Variants in ARHGAP39 observed in about 807,000 individuals in gnomAD.
ARHGAP39 encodes the protein rho GTPase-activating protein 39.
In ARHGAP39, 44 loss-of-function variants were observed where a neutral mutation model predicts 106.9. The observed-to-expected ratio is 0.41, with a 90% CI of 0.32 to 0.53. The LOEUF (loss-of-function observed/expected upper bound fraction) is 0.53. Ranked by LOEUF, ARHGAP39 falls within the 20% of genes least tolerant of loss-of-function variation. ARHGAP39 has a pLI of 0.21. For synonymous variants in ARHGAP39, 768 were observed against 693.2 expected, an observed-to-expected ratio of 1.11 and a Z score of -1.69; for missense variants, 1,496 against 1,577.3, an observed-to-expected ratio of 0.95 and a Z score of 0.87.
At chr8:144,537,110 T>C (rs1456845897) in intron 7 of ARHGAP39, among the ~76,000 whole-genome samples, 1 of 151,162 alleles carries the variant, frequency 6.6e-6, no homozygotes, top group Non-Finnish European at 1.5e-5. Context: ...AGCACAGCCC[T>C]GGGTTCACAG....
At chr8:144,560,767 G>A (rs2620632) in intron 3 of ARHGAP39, among the ~76,000 whole-genome samples, 3,013 of 152,254 alleles carry the variant, frequency 0.02, 94 homozygotes, top group African/African-American at 0.07. Flanking sequence ...TGTGCTAAAG[G>A]AGCATGACGT....
intron 3 of ARHGAP39, among the ~76,000 whole-genome samples, chr8:144,571,537 T>A (rs554609593): frequency 2.0e-5 from 3 of 152,216 alleles, no homozygotes; most frequent in Non-Finnish European, 4.4e-5. Context: ...AATATCATAC[T>A]GAATGGGCAA....
chr8:144,688,385 G>A (rs959555240), upstream of ARHGAP39, among the ~76,000 whole-genome samples: 4 of 152,144 alleles, frequency 2.6e-5, no homozygotes, highest in Non-Finnish European at 4.4e-5. Flanking sequence ...GATTACAGGC[G>A]TGAGCCACCA....
At chr8:144,688,374 G>A (rs1362260451), upstream of ARHGAP39, among the ~76,000 whole-genome samples, 1 of 152,054 alleles carries the variant, frequency 6.6e-6, no homozygotes, top group Non-Finnish European at 1.5e-5. Flanking sequence ...CAAAGTGTTG[G>A]GATTACAGGC....
In ARHGAP39 at chr8:144,580,915, T is replaced by G. The variant is rs1258306483; in HGVS notation, c.443A>C (p.Lys148Thr). 12 of 1,605,088 alleles carry G rather than the reference T, an allele frequency of 7.5e-6. No homozygotes were observed. Among genetic ancestry groups the G allele is most frequent in the Non-Finnish European group, 1.0e-5 (12 of 1,178,332 alleles). ...GGCCCTCGCTGGCAACTCCTGCGCT[T>G]TCTCAGTGTCGGGCTCGGGCTCCAG... Reference protein sequence around the residue: ...SSLEPEPDTEKAQELPARAGR... With the variant: ...SSLEPEPDTETAQELPARAGR... The change falls in exon 3 of 12, where the codon AAA becomes ACA. Residue 148 changes from lysine (K) to threonine (T), a missense_variant. Around this residue, in one of 4 missense-constraint regions of ARHGAP39, gnomAD observed 905 missense variants for 816.4 expected, o/e 1.11. Coordinates refer to ENST00000377307, the MANE Select transcript of ARHGAP39 (RefSeq NM_025251.3).
intron 1 of ARHGAP39, among the ~76,000 whole-genome samples, chr8:144,650,260 T>C (rs1210583220): frequency 6.6e-6 from 1 of 151,980 alleles, no homozygotes; most frequent in Non-Finnish European, 1.5e-5. Context: ...CAGTAATAAA[T>C]AGCTTACCAT....
chr8:144,613,524 C>A (rs181679944), intron 1 of ARHGAP39, among the ~76,000 whole-genome samples: 2 of 151,542 alleles, frequency 1.3e-5, no homozygotes, highest in Non-Finnish European at 2.9e-5. Context: ...ATCTTAAACA[C>A]ACTACACCAT....
intron 1 of ARHGAP39, among the ~76,000 whole-genome samples, chr8:144,632,523 A>G (rs1179320313): frequency 6.6e-6 from 1 of 152,244 alleles, no homozygotes; most frequent in African/African-American, 2.4e-5. Flanking sequence ...CGAGGGGTAC[A>G]GTGGGCTGCA....
intron 1 of ARHGAP39, among the ~76,000 whole-genome samples, chr8:144,663,406 G>A (rs1454083964): frequency 2.0e-5 from 3 of 152,098 alleles, no homozygotes; most frequent in African/African-American, 4.8e-5. Flanking sequence ...TGGAGCAAGA[G>A]AGAGACAGCT....
intron 1 of ARHGAP39, among the ~76,000 whole-genome samples, chr8:144,683,004 G>A (rs770517174): frequency 6.6e-6 from 1 of 152,072 alleles, no homozygotes; most frequent in Non-Finnish European, 1.5e-5. Context: ...CCAGCAGAGT[G>A]AGACCCTGTC....
chr8:144,583,121 T>G (rs1362265436), intron 2 of ARHGAP39, among the ~76,000 whole-genome samples: 1 of 151,860 alleles, frequency 6.6e-6, no homozygotes, highest in Non-Finnish European at 1.5e-5. Flanking sequence ...CAGCCCGGGG[T>G]CTCGCCAGGC....
chr8:144,572,377 A>G (rs1195694125), intron 3 of ARHGAP39, among the ~76,000 whole-genome samples: 1 of 152,216 alleles, frequency 6.6e-6, no homozygotes. Flanking sequence ...GAAATGGGGA[A>G]AGGATTCCCT....
At chr8:144,615,579 T>C (rs1403738992) in intron 1 of ARHGAP39, among the ~76,000 whole-genome samples, 1 of 152,248 alleles carries the variant, frequency 6.6e-6, no homozygotes, top group South Asian at 2.1e-4. Context: ...CTTAGGCCCA[T>C]TGTGGATTAA....
At chr8:144,613,503 T>C (rs927900557) in intron 1 of ARHGAP39, among the ~76,000 whole-genome samples, 20 of 152,016 alleles carry the variant, frequency 1.3e-4, no homozygotes, top group Admixed American at 5.9e-4. Flanking sequence ...TTTTTTTTTT[T>C]CCCTTTCAGC....
In ARHGAP39 at chr8:144,602,703, TGGA is replaced by T. The variant is rs113277963; in HGVS notation, c.80+2829_80+2831del. Among the ~76,000 whole-genome samples, 770 of 123,208 alleles carry T rather than the reference TGGA, an allele frequency of 6.2e-3. 10 individuals are homozygous for T. The highest frequency in any genetic ancestry group is 0.02 in the African/African-American group (602 of 30,136). 80.8% of individuals were successfully genotyped at this position (123,208 alleles called of 152,430 possible). The stretch of plus-strand genomic sequence containing the variant: ...GCTCGTGTACCTGTGTGCATGTGCG[TGGA>T]GTTGTGTGCGCTCGTGTACCTGTGT... On this transcript the variant is annotated intron_variant, in intron 2 of 11. Transcript: ENST00000377307.
chr8:144,657,217 T>C (rs1052555353), intron 1 of ARHGAP39, among the ~76,000 whole-genome samples: 14 of 143,382 alleles, frequency 9.8e-5, no homozygotes, highest in Non-Finnish European at 3.1e-5. Context: ...AAAAAATAAA[T>C]AAAATAAAAT....
In ARHGAP39 at chr8:144,575,282, ACTT is replaced by A. The variant is rs533301747; in HGVS notation, c.512+5561_512+5563del. Reference sequence around the variant, plus strand: ...TTCGGCCACACTCAATTCATTTAAAACTTCTTCTTTCATCAGTAATAAATTTAG... The same window carrying A: ...TTCGGCCACACTCAATTCATTTAAAACTTCTTTCATCAGTAATAAATTTAG... On this transcript the variant is annotated intron_variant, in intron 3 of 11. Transcript: ENST00000377307. 5.3e-5 allele frequency among the ~76,000 whole-genome samples: 8 copies of A among 151,984 alleles called. No individual in the cohort carries two copies. In the South Asian group the frequency reaches 8.3e-4, roughly 16 times the overall value.
Position 144,589,553 on chromosome 8 carries a change from T to A in ARHGAP39, c.81-8276A>T, listed in dbSNP as rs138977084. Among the ~76,000 whole-genome samples the A allele has an allele frequency of 5.3e-3, 813 of 152,256 alleles. 5 individuals are homozygous for A. Among genetic ancestry groups the A allele is most frequent in the African/African-American group, 0.018 (743 of 41,560 alleles). The stretch of plus-strand genomic sequence containing the variant: ...CAGCTTTACCAAAACACAGGAGACC[T>A]CTCCAGCTCCCAAACGAGGCCCTCT... On this transcript the variant is annotated intron_variant, in intron 2 of 11. Transcript: ENST00000377307.
At chr8:144,661,538 C>T (rs1337554877) in intron 1 of ARHGAP39, among the ~76,000 whole-genome samples, 1 of 152,100 alleles carries the variant, frequency 6.6e-6, no homozygotes, top group Non-Finnish European at 1.5e-5. Flanking sequence ...ACCAGCCTTC[C>T]CCTTTCTCCC....
Sources: allele counts gnomAD v4.1 joint callset (sites outside exome capture counted in the v4.1 genomes callset), GRCh38; gene constraint gnomAD v4.1.1; regional missense constraint gnomAD v4.1.1; transcripts MANE v1.5; gene names NCBI Gene and HGNC (gene_info 2026-07-23, HGNC 2026-07-21).